ZNRF2: variants seen among roughly 807,000 people sequenced by gnomAD.
ZNRF2 encodes the protein E3 ubiquitin-protein ligase ZNRF2.
A neutral mutation model predicts 20.4 loss-of-function variants in ZNRF2; 16 were observed. The observed-to-expected ratio is 0.79, with a 90% CI of 0.53 to 1.19. The LOEUF is 1.19. Among genes scored for constraint, ZNRF2 ranks in the 50% most tolerant of loss-of-function variants. ZNRF2 has a pLI of 0.00. For missense variants in ZNRF2, 363 were observed against 332.4 expected (o/e 1.09, Z -0.72); for synonymous variants, 178 against 144.9 (o/e 1.23, Z -1.64).
At chr7:30,313,939 C>T (rs1371225451) in intron 1 of ZNRF2, among the ~76,000 whole-genome samples, 1 of 152,198 alleles carries the variant, frequency 6.6e-6, no homozygotes, top group Non-Finnish European at 1.5e-5. Context: ...GTGTTATTGG[C>T]ATACTCTCTC....
At chr7:30,334,804 CTTT>C (rs1409994554) in intron 2 of ZNRF2, among the ~76,000 whole-genome samples, 1 of 152,042 alleles carries the variant, frequency 6.6e-6, no homozygotes, top group Non-Finnish European at 1.5e-5. Flanking sequence ...AATATTTCTA[CTTT>C]TTATAAGCAA....
intron 2 of ZNRF2, among the ~76,000 whole-genome samples, chr7:30,329,666 A>G (rs182390526): frequency 1.3e-4 from 20 of 152,258 alleles, no homozygotes; most frequent in East Asian, 7.7e-4. Context: ...ATAATATTCT[A>G]TTGTTTATAG....
chr7:30,337,551 C>T (rs1386039099), intron 2 of ZNRF2, among the ~76,000 whole-genome samples: 1 of 152,076 alleles, frequency 6.6e-6, no homozygotes, highest in African/African-American at 2.4e-5. Flanking sequence ...GATCTTTTAT[C>T]TTGGGAAGTA....
chr7:30,355,181 A>G (rs1030540700), intron 2 of ZNRF2, among the ~76,000 whole-genome samples: 2 of 152,160 alleles, frequency 1.3e-5, no homozygotes, highest in African/African-American at 4.8e-5. Context: ...AAATCCTCAG[A>G]TTTCCAAAAG....
At chr7:30,316,288 CAAAAAAAAAAA>C (rs60218988) in intron 1 of ZNRF2, among the ~76,000 whole-genome samples, 114 of 27,492 alleles carry the variant, frequency 4.1e-3, no homozygotes, top group South Asian at 0.011. Context: ...AACTCCATCT[CAAAAAAAAAAA>C]AAAAAAAAAA....
intron 4 of ZNRF2, among the ~76,000 whole-genome samples, chr7:30,364,996 A>G (rs535815689): frequency 3.2e-4 from 48 of 152,234 alleles, no homozygotes; most frequent in Non-Finnish European, 6.3e-4. Context: ...TCAAGCTTCT[A>G]TAAGGATACT....
At chr7:30,325,248 AT>A (rs933240297) in intron 2 of ZNRF2, among the ~76,000 whole-genome samples, 5 of 152,050 alleles carry the variant, frequency 3.3e-5, no homozygotes, top group East Asian at 3.8e-4. Context: ...GAGAAATTTC[AT>A]TTTTTTTAAA....
intron 1 of ZNRF2, chr7:30,288,934 G>A (rs13307649): frequency 6.6e-6 from 1 of 152,090 alleles, no homozygotes; most frequent in East Asian, 1.9e-4. Flanking sequence ...TCAAGTAGCT[G>A]TTGTTCATAA....
chr7:30,353,797 G>A (rs1799993698), intron 2 of ZNRF2, among the ~76,000 whole-genome samples: 1 of 151,976 alleles, frequency 6.6e-6, no homozygotes. Context: ...GACCATTGAT[G>A]TTTTAGGTTT....
rs991752819 is a variant in ZNRF2 at position 30,285,423 on chromosome 7, T to C, written c.66T>C (p.Asp22=). 1.6e-6 allele frequency: 2 copies of C among 1,234,542 alleles called. No homozygotes were observed. Among genetic ancestry groups the C allele is most frequent in the African/African-American group, 1.6e-5 (1 of 60,724 alleles). The allele number at this position is 1,234,542 out of a possible 1,614,324, so 76.5% of individuals were successfully genotyped here. ...GCACGCGCGCGTACTCGGGCTCGGA[T>C]CTACCTTCCAGTAGCAGCGGAGGCG... The part of the protein sequence containing the change: ...NGRTRAYSGS[D]LPSSSSGGAN... The change falls in exon 1 of 5, where the codon GAT becomes GAC. Residue 22 remains aspartate, a synonymous_variant. Transcript: ENST00000323037.
chr7:30,319,872 C>A (rs1227680336), intron 1 of ZNRF2, among the ~76,000 whole-genome samples: 2 of 152,136 alleles, frequency 1.3e-5, no homozygotes, highest in African/African-American at 4.8e-5. Context: ...TTTTATACAC[C>A]AAGATGATCC....
At chr7:30,292,081 T>C (rs909719037) in intron 1 of ZNRF2, among the ~76,000 whole-genome samples, 1 of 152,244 alleles carries the variant, frequency 6.6e-6, no homozygotes, top group Non-Finnish European at 1.5e-5. Flanking sequence ...GTATTTGTTT[T>C]AGACACAAAA....
At chr7:30,315,732 G>GA (rs1554294837) in intron 1 of ZNRF2, among the ~76,000 whole-genome samples, 2 of 102,576 alleles carry the variant, frequency 1.9e-5, no homozygotes, top group Admixed American at 1.2e-4. Flanking sequence ...TGGGGCGGGG[G>GA]GGGGGGGGTT....
At chr7:30,330,206 A>G (rs1426730153) in intron 2 of ZNRF2, among the ~76,000 whole-genome samples, 4 of 152,180 alleles carry the variant, frequency 2.6e-5, no homozygotes, top group Non-Finnish European at 5.9e-5. Flanking sequence ...ATGTTTGTGC[A>G]TGTGTACTTA....
intron 2 of ZNRF2, among the ~76,000 whole-genome samples, chr7:30,350,763 A>T (rs945554638): frequency 6.6e-6 from 1 of 151,920 alleles, no homozygotes; most frequent in Non-Finnish European, 1.5e-5. Flanking sequence ...TTTTCTAGGG[A>T]TTATTTCACA....
intron 2 of ZNRF2, among the ~76,000 whole-genome samples, chr7:30,335,988 A>C (rs897712611): frequency 2.0e-5 from 3 of 152,158 alleles, no homozygotes; most frequent in Non-Finnish European, 2.9e-5. Flanking sequence ...GAGTGACTCA[A>C]TTCAGGGGTA....
intron 3 of ZNRF2, among the ~76,000 whole-genome samples, chr7:30,360,918 T>C (rs570055782): frequency 6.6e-6 from 1 of 152,158 alleles, no homozygotes; most frequent in Non-Finnish European, 1.5e-5. Context: ...AAATTGAGAA[T>C]AGTGCTTTCC....
At chr7:30,354,459 G>A (rs1219630138) in intron 2 of ZNRF2, among the ~76,000 whole-genome samples, 1 of 152,126 alleles carries the variant, frequency 6.6e-6, no homozygotes, top group Non-Finnish European at 1.5e-5. Context: ...TAGAGTCTGT[G>A]TTCCTTCTTA....
At chr7:30,363,132 A>G (rs1026963253) in intron 4 of ZNRF2, among the ~76,000 whole-genome samples, 9 of 151,816 alleles carry the variant, frequency 5.9e-5, no homozygotes, top group African/African-American at 2.2e-4. Context: ...AAAAAAACAA[A>G]AAACAAAAGA....
Sources: gnomAD v4.1 joint callset for allele counts (sites outside exome capture counted in the v4.1 genomes callset) on GRCh38, gnomAD v4.1.1 for gene constraint, MANE v1.5 for transcripts, NCBI Gene and HGNC (gene_info 2026-07-23, HGNC 2026-07-21) for gene names.